Variants in NTAN1 observed in about 807,000 individuals in gnomAD.
The protein encoded by NTAN1 is protein N-terminal asparagine amidohydrolase.
A neutral mutation model predicts 41.9 loss-of-function variants in NTAN1; 32 were observed. That is an observed-to-expected ratio of 0.76 (90% CI 0.58 to 1.03). The LOEUF is 1.03. Among genes scored for constraint, NTAN1 ranks in the 50% least tolerant of loss-of-function variants. NTAN1 has a pLI of 0.00. For synonymous variants in NTAN1, 140 were observed against 139.5 expected (o/e 1.00, Z -0.03); for missense variants, 377 against 377.5 (o/e 1.00, Z 0.01).
chr16:15,041,558 C>T (rs2043817091), intron 6 of NTAN1, 65 bp downstream of exon 6: 1 of 1,146,084 alleles, frequency 8.7e-7, no homozygotes, highest in Non-Finnish European at 1.3e-6. Flanking sequence ...GGGCCCACTG[C>T]AAGACTGGGG....
chr16:15,041,258 G>A, intron 6 of NTAN1, 137 bp from the exon 7 acceptor site: 1 of 688,356 alleles, frequency 1.5e-6, no homozygotes, highest in Non-Finnish European at 2.6e-6. Context: ...AGGGATTGTG[G>A]CCCTGTTTCC....
chr16:15,048,146 A>T, intron 1 of NTAN1, 47 bp from the exon 2 acceptor site: 1 of 1,354,582 alleles, frequency 7.4e-7, no homozygotes, highest in Non-Finnish European at 1.0e-6. Context: ...ATTAGTGAGG[A>T]TGGAAAAACT....
intron 1 of NTAN1, among the ~76,000 whole-genome samples, chr16:15,049,583 C>T (rs2044217845): frequency 6.6e-6 from 1 of 152,122 alleles, no homozygotes; most frequent in Non-Finnish European, 1.5e-5. Context: ...TGTGCGCCAC[C>T]ATGCCCAGCT....
rs1322578933 is a variant in NTAN1, at chr16:15,047,566, G to A, written c.251-16C>T. 10 of 1,571,510 alleles carry A rather than the reference G, an allele frequency of 6.4e-6. No homozygotes were observed. The highest frequency in any genetic ancestry group is 7.9e-6 in the Non-Finnish European group (9 of 1,141,196). ...GCCCCATTACCTGAAGAACAAGGGT[G>A]AAAGGACTCAAGTTATTCCCTGATG... On this transcript the variant is annotated splice_polypyrimidine_tract_variant and intron_variant, in intron 3 of 9. Transcript: ENST00000287706.
intron 4 of NTAN1, chr16:15,046,078 G>A (rs2044047631): frequency 6.6e-6 from 1 of 152,260 alleles, no homozygotes; most frequent in South Asian, 2.1e-4. Context: ...CAGAGTGTGT[G>A]GCAACATAAT....
intron 7 of NTAN1, 194 bp from the exon 8 acceptor site, chr16:15,040,260 G>C (rs552027751): frequency 2.3e-6 from 1 of 438,642 alleles, no homozygotes; most frequent in Non-Finnish European, 4.0e-6. Flanking sequence ...GAAAATCGCT[G>C]AGGCTCGAGC....
chr16:15,045,201 G>A (rs1193063913), intron 4 of NTAN1: 1 of 152,438 alleles, frequency 6.6e-6, no homozygotes, highest in African/African-American at 2.4e-5. Flanking sequence ...GGAAGCTGAG[G>A]CAGGAGAATT....
At chr16:15,049,290 C>A (rs577008309) in intron 1 of NTAN1, among the ~76,000 whole-genome samples, 3 of 152,010 alleles carry the variant, frequency 2.0e-5, no homozygotes, top group African/African-American at 7.2e-5. Context: ...TGGCCTCCTA[C>A]AGTGCTGGGA....
intron 4 of NTAN1, among the ~76,000 whole-genome samples, chr16:15,046,285 T>C (rs941970832): frequency 2.0e-5 from 3 of 152,224 alleles, no homozygotes; most frequent in African/African-American, 7.2e-5. Context: ...CTCCTAGGAT[T>C]AAGCCTTCGT....
chr16:15,054,125 T>C (rs1463051893), intron 1 of NTAN1, among the ~76,000 whole-genome samples: 2 of 152,206 alleles, frequency 1.3e-5, no homozygotes, highest in African/African-American at 2.4e-5. Flanking sequence ...CTTCCCCTCC[T>C]GCCCGCCGCG....
chr16:15,041,810 G>GC (rs1230645167), intron 5 of NTAN1, 134 bp from the exon 6 acceptor site: 1 of 708,378 alleles, frequency 1.4e-6, no homozygotes, highest in Non-Finnish European at 2.6e-6. Context: ...CGCCCACACT[G>GC]CCACAGCCTG....
chr16:15,039,979 G>A lies in NTAN1; in HGVS notation c.629C>T (p.Ala210Val), dbSNP rs376566663. The part of the protein sequence containing the change: ...EEQLRAARTL[A>V]GGPMISIYDA... The stretch of plus-strand genomic sequence containing the variant: ...TGATTTGAAACTCACTGGTCCTCCT[G>A]CTAAAGTTCGCGCAGCACGAAGCTG... Residue 210 changes from alanine to valine, a missense_variant, in exon 8 of 10, where the codon GCA becomes GTA. Transcript: ENST00000287706. 31 of 1,591,396 alleles carry A rather than the reference G, an allele frequency of 1.9e-5. No homozygotes were observed. Among genetic ancestry groups the A allele is most frequent in the Non-Finnish European group, 2.3e-5 (27 of 1,162,052 alleles).
Position 15,040,033 on chromosome 16 carries a change from G to A in NTAN1, c.575C>T (p.Ala192Val). The A allele has an allele frequency of 1.2e-6, 2 of 1,610,702 alleles. No individual in the cohort carries two copies. Among genetic ancestry groups the A allele is most frequent in the Non-Finnish European group, 1.7e-6 (2 of 1,177,090 alleles). ...CTCCGGACCCCGATCTTGAAAGGAT[G>A]CTCTGTAAATCTCTGCAGTCTTAAT... ...VNIKTAEIYR[A>V]SFQDRGPEEQ... The change falls in exon 8 of 10, where the codon GCA (alanine) becomes GTA (valine). Residue 192 changes from alanine to valine, a missense_variant. By Grantham distance (64) the Ala-to-Val change is moderately conservative (BLOSUM62 0). Coordinates refer to ENST00000287706, the MANE Select transcript of NTAN1 (RefSeq NM_173474.4).
chr16:15,041,557 G>T, intron 6 of NTAN1, 66 bp downstream of exon 6: 1 of 1,131,212 alleles, frequency 8.8e-7, no homozygotes, highest in Non-Finnish European at 1.4e-6. Context: ...TGGGCCCACT[G>T]CAAGACTGGG....
chr16:15,038,628 T>C lies in NTAN1; in HGVS notation c.699A>G (p.Thr233=), dbSNP rs915274515. Residue 233 remains threonine (T), a synonymous_variant, in exon 9 of 10, where the codon ACA becomes ACG. Transcript: ENST00000287706. The part of the protein sequence containing the change: ...EQLRIGPYSW[T]PFPHVDFWLH... ...ACCAGAAATCCACATGTGGAAATGG[T>C]GTCCAGGAGTACGGTCCTATACGAA... is the stretch of plus-strand genomic sequence containing the variant. 1.9e-6 allele frequency: 3 copies of C among 1,610,584 alleles called. No homozygotes were observed. Among genetic ancestry groups the C allele is most frequent in the Non-Finnish European group, 2.5e-6 (3 of 1,176,918 alleles).
At chr16:15,055,539 C>T (rs1272816262) in intron 1 of NTAN1, among the ~76,000 whole-genome samples, 1 of 152,216 alleles carries the variant, frequency 6.6e-6, no homozygotes, top group Non-Finnish European at 1.5e-5. Context: ...GGCGGGCGGC[C>T]GGATTTGCCT....
rs761754850 is a variant in NTAN1 at position 15,043,225 on chromosome 16, A to G, written c.433+1109T>C. Among the ~76,000 whole-genome samples the G allele has an allele frequency of 1.3e-4, 20 of 150,204 alleles. No homozygotes were observed. In the South Asian group the frequency reaches 1.5e-3, roughly 11 times the overall value. On this transcript the variant is annotated intron_variant, in intron 5 of 9. Transcript: ENST00000287706. ...TAATTTTTGTAATTTTAGTAGAGACAGAGTTTCACCATGTTGCCCAGGCTG... is the reference window on the plus strand; with the variant it reads ...TAATTTTTGTAATTTTAGTAGAGACGGAGTTTCACCATGTTGCCCAGGCTG...
In NTAN1 at chr16:15,047,552, T is replaced by C. The variant is rs2044125664; in HGVS notation, c.251-2A>G. 2 of 1,606,998 alleles carry C rather than the reference T, an allele frequency of 1.2e-6. No homozygotes were observed. The highest frequency in any genetic ancestry group is 1.3e-5 in the African/African-American group (1 of 74,782). ...GTGTCAAGCAGGTGGCCCCATTACC[T>C]GAAGAACAAGGGTGAAAGGACTCAA... On this transcript the variant is annotated splice_acceptor_variant, in intron 3 of 9. Transcript: ENST00000287706. LOFTEE classifies it high-confidence loss of function.
intron 7 of NTAN1, chr16:15,040,454 G>A (rs1216045542): frequency 5.2e-6 from 1 of 192,616 alleles, no homozygotes; most frequent in East Asian, 1.4e-4. Flanking sequence ...CATACACGAA[G>A]TTACAGAGAA....
Sources: allele counts gnomAD v4.1 joint callset (sites outside exome capture counted in the v4.1 genomes callset), GRCh38; gene constraint gnomAD v4.1.1; transcripts MANE v1.5; gene names NCBI Gene and HGNC (gene_info 2026-07-23, HGNC 2026-07-21).